CUBN: variants seen among roughly 807,000 people sequenced by gnomAD.
CUBN encodes 460 kDa receptor.
Under a neutral mutation model 405.3 loss-of-function variants are expected in CUBN, and 282 were observed. That is an observed-to-expected ratio of 0.70 (90% CI 0.63 to 0.77). The LOEUF is 0.77. Among genes scored for constraint, CUBN ranks in the 30% least tolerant of loss-of-function variants. The pLI is 0.00. For synonymous variants in CUBN, 1,684 were observed against 1,617.0 expected (o/e 1.04, Z -0.99); for missense variants, 4,514 against 4,475.2 (o/e 1.01, Z -0.25).
At chr10:17,082,560 C>T (rs780973541) in intron 17 of CUBN, among the ~76,000 whole-genome samples, 5 of 152,104 alleles carry the variant, frequency 3.3e-5, no homozygotes, top group Non-Finnish European at 5.9e-5. Context: ...ACAGAAAGGG[C>T]CCCAAATTTC....
intron 59 of CUBN, among the ~76,000 whole-genome samples, chr10:16,860,641 T>C (rs1839986813): frequency 6.6e-6 from 1 of 152,216 alleles, no homozygotes; most frequent in African/African-American, 2.4e-5. Context: ...TGTCCTCTCC[T>C]AGTAATTTTC....
chr10:16,846,377 T>C (rs1420767664), intron 60 of CUBN, among the ~76,000 whole-genome samples: 2 of 152,240 alleles, frequency 1.3e-5, no homozygotes, highest in Admixed American at 6.5e-5. Flanking sequence ...TATTTACATA[T>C]ACGAAGACAC....
intron 28 of CUBN, among the ~76,000 whole-genome samples, chr10:17,010,314 A>C (rs1433692196): frequency 6.6e-6 from 1 of 152,190 alleles, no homozygotes; most frequent in Admixed American, 6.5e-5. Context: ...CAATCCCTGC[A>C]TTTAACGGAT....
chr10:17,046,206 G>T, intron 23 of CUBN, 112 bp from the exon 24 acceptor site: 1 of 936,760 alleles, frequency 1.1e-6, no homozygotes, highest in Non-Finnish European at 1.7e-6. Context: ...ATTGGATGAA[G>T]TAATTTCTCT....
At chr10:16,926,837 ATCTATCTAG>A (rs1564427916) in intron 41 of CUBN, among the ~76,000 whole-genome samples, 164 of 151,684 alleles carry the variant, frequency 1.1e-3, no homozygotes, top group East Asian at 8.7e-3. Flanking sequence ...CTATCTATCT[ATCTATCTAG>A]TCTAATTGGG....
rs114736489 is a variant in CUBN, at chr10:16,998,725, C to T, written c.4169-8210G>A. On this transcript the variant is annotated intron_variant, in intron 28 of 66. Transcript: ENST00000377833. ...GTATTCCATCTTGTAATTATTACTT[C>T]CTATTTGTCATCTTGAGGTTTAGAG... Among the ~76,000 whole-genome samples, 876 of 152,256 alleles carry T rather than the reference C, an allele frequency of 5.8e-3. 13 individuals are homozygous for T. The highest frequency in any genetic ancestry group is 0.021 in the African/African-American group (856 of 41,554).
chr10:16,952,148 G>A (rs1842937043), intron 33 of CUBN, 128 bp downstream of exon 33: 2 of 712,700 alleles, frequency 2.8e-6, no homozygotes, highest in Non-Finnish European at 2.6e-6. Flanking sequence ...CAGGAATTGG[G>A]ACTTGCAAAA....
chr10:16,947,581 T>G lies in CUBN; in HGVS notation c.5210-214A>C, dbSNP rs61841455. 0.057 allele frequency among the ~76,000 whole-genome samples: 8,655 copies of G among 152,282 alleles called. 354 individuals carry two copies. Among genetic ancestry groups the G allele is most frequent in the Non-Finnish European group, 0.088 (5,961 of 68,010 alleles). ...GCAGTGTGGTGGATTAGAAGGAATT[T>G]CTGCAATGTCTTTTCTCAAAGCCGT... On this transcript the variant is annotated intron_variant, in intron 35 of 66. Coordinates refer to ENST00000377833, the MANE Select transcript of CUBN (RefSeq NM_001081.4).
rs77051263 is a variant in CUBN at position 17,103,556 on chromosome 10, T to A, written c.1418-319A>T. 6.0e-3 allele frequency among the ~76,000 whole-genome samples: 908 copies of A among 152,358 alleles called. 15 individuals carry two copies. The highest frequency in any genetic ancestry group is 0.021 in the African/African-American group (860 of 41,588). On this transcript the variant is annotated intron_variant, in intron 12 of 66. Transcript: ENST00000377833. The stretch of plus-strand genomic sequence containing the variant: ...ACATAGCTCATGTCTTTAACTCTTG[T>A]ATCTGTTCTCCCATTGGGGTTGGTC...
At chr10:17,102,714 C>T (rs1020500924) in intron 13 of CUBN, among the ~76,000 whole-genome samples, 16 of 145,974 alleles carry the variant, frequency 1.1e-4, no homozygotes, top group African/African-American at 4.1e-4. Context: ...TCAAGCAATT[C>T]TCCTGCCTCA....
At chr10:17,025,121 G>A (rs1354726655) in intron 27 of CUBN, among the ~76,000 whole-genome samples, 2 of 152,092 alleles carry the variant, frequency 1.3e-5, no homozygotes, top group Non-Finnish European at 2.9e-5. Context: ...AGCTTAATAT[G>A]TAATTGAAAT....
chr10:16,952,675 G>C (rs1342592998), intron 32 of CUBN, among the ~76,000 whole-genome samples: 2 of 152,142 alleles, frequency 1.3e-5, no homozygotes, highest in Non-Finnish European at 2.9e-5. Flanking sequence ...ATTCTTGCAT[G>C]GATTCACTTA....
At chr10:16,864,540 T>A (rs1840109933) in intron 59 of CUBN, among the ~76,000 whole-genome samples, 1 of 152,168 alleles carries the variant, frequency 6.6e-6, no homozygotes, top group South Asian at 2.1e-4. Context: ...ATCAGTTTTT[T>A]AGTAGATAAA....
intron 43 of CUBN, among the ~76,000 whole-genome samples, chr10:16,921,525 C>T (rs1588652263): frequency 6.6e-6 from 1 of 152,184 alleles, no homozygotes; most frequent in South Asian, 2.1e-4. Context: ...CAGTTATATG[C>T]CCAAAGAACT....
At chr10:16,838,453 G>A (rs1232379455) in intron 62 of CUBN, among the ~76,000 whole-genome samples, 4 of 152,138 alleles carry the variant, frequency 2.6e-5, no homozygotes, top group East Asian at 1.9e-4. Flanking sequence ...TCCTCAGTTC[G>A]TGGCCAATCC....
chr10:16,922,660 A>T (rs1842068615), intron 43 of CUBN, among the ~76,000 whole-genome samples: 1 of 152,136 alleles, frequency 6.6e-6, no homozygotes, highest in African/African-American at 2.4e-5. Flanking sequence ...GCAGTAGTGA[A>T]TTCTTTCAAA....
At chr10:17,038,529 G>C (rs1275571627) in intron 27 of CUBN, among the ~76,000 whole-genome samples, 1 of 152,174 alleles carries the variant, frequency 6.6e-6, no homozygotes, top group Non-Finnish European at 1.5e-5. Flanking sequence ...GATAGTGTCT[G>C]ACCAGCACGT....
intron 27 of CUBN, among the ~76,000 whole-genome samples, chr10:17,038,813 C>T (rs12268194): frequency 0.038 from 5,739 of 152,220 alleles, 344 homozygotes; most frequent in African/African-American, 0.13. Context: ...CCTCTGGCAA[C>T]AGCGCCGTTT....
At chr10:16,959,719 A>G (rs957607253) in intron 31 of CUBN, among the ~76,000 whole-genome samples, 6 of 152,216 alleles carry the variant, frequency 3.9e-5, no homozygotes, top group African/African-American at 1.4e-4. Flanking sequence ...AAAATATGAG[A>G]AACCTTGCTC....
Sources: allele counts gnomAD v4.1 joint callset (sites outside exome capture counted in the v4.1 genomes callset), GRCh38; gene constraint gnomAD v4.1.1; transcripts MANE v1.5; gene names NCBI Gene and HGNC (gene_info 2026-07-23, HGNC 2026-07-21).